The following SGSM3 variants were observed in gnomAD, a reference collection of about 807,000 sequenced individuals.
The protein encoded by SGSM3 is RUN and SH3 containing 3.
A neutral mutation model predicts 100.5 loss-of-function variants in SGSM3; 96 were observed. That is an observed-to-expected ratio of 0.96 (90% CI 0.81 to 1.13). The LOEUF (loss-of-function observed/expected upper bound fraction) is 1.13. Among genes scored for constraint, SGSM3 ranks in the 50% most tolerant of loss-of-function variants. SGSM3 has a pLI of 0.00. For missense variants in SGSM3, 1,001 were observed against 1,015.8 expected (o/e 0.99, Z 0.20); for synonymous variants, 483 against 422.8 (o/e 1.14, Z -1.75).
rs374531459 is a variant in SGSM3 at position 40,389,536 on chromosome 22, T to G, written c.-111-11160T>G. On this transcript the variant is annotated intron_variant, in intron 1 of 21. Transcript: ENST00000248929. ...ATGGCGTGAACCTGGGAGGCGGGGCTTGCAGTGAGCTGAGATCGGGCCACT... is the reference window on the plus strand; with the variant it reads ...ATGGCGTGAACCTGGGAGGCGGGGCGTGCAGTGAGCTGAGATCGGGCCACT... Among the ~76,000 whole-genome samples the G allele has an allele frequency of 1.3e-4, 18 of 141,830 alleles. No individual in the cohort carries two copies. In the East Asian group the frequency reaches 3.3e-3, roughly 26 times the overall value. 93.0% of individuals were successfully genotyped at this position (141,830 alleles called of 152,430 possible).
chr22:40,394,503 G>A (rs761498464), intron 1 of SGSM3, among the ~76,000 whole-genome samples: 5 of 152,146 alleles, frequency 3.3e-5, no homozygotes, highest in East Asian at 3.9e-4. Flanking sequence ...AAAATTAGCC[G>A]GGTGCGGTGG....
In SGSM3 at chr22:40,407,988, A is replaced by ACTGCCTCAGC; in HGVS notation, c.1580-76_1580-67dup. 6.6e-7 allele frequency: 1 copy of ACTGCCTCAGC among 1,507,968 alleles called. No homozygotes were observed. Among genetic ancestry groups the ACTGCCTCAGC allele is most frequent in the East Asian group, 2.3e-5 (1 of 44,080 alleles). 93.4% of individuals were successfully genotyped at this position (1,507,968 alleles called of 1,614,324 possible). A position where few individuals can be genotyped will look rare whatever the true frequency, so the allele number is the denominator to read the frequency against. ...CCTGAAGCAGCTGAGCCGGCTTCCCACTGCCTCAGCCTGCCTGCAGGCTGT... is the reference window on the plus strand; with the variant it reads ...CCTGAAGCAGCTGAGCCGGCTTCCCACTGCCTCAGCCTGCCTCAGCCTGCCTGCAGGCTGT... On this transcript the variant is annotated intron_variant, in intron 14 of 21. Transcript: ENST00000248929. The surrounding 1 kb of genome is among the most constrained non-coding windows in gnomAD (Gnocchi z 4.7).
chr22:40,394,785 C>T (rs574510749), intron 1 of SGSM3, among the ~76,000 whole-genome samples: 23 of 152,242 alleles, frequency 1.5e-4, no homozygotes, highest in African/African-American at 4.8e-4. Context: ...CAGACCTGAT[C>T]GTTATTCTCA....
At chr22:40,378,821 G>C (rs905997718) in intron 1 of SGSM3, among the ~76,000 whole-genome samples, 2 of 152,100 alleles carry the variant, frequency 1.3e-5, no homozygotes, top group African/African-American at 4.8e-5. Context: ...GTGATTCTCT[G>C]ATTGAAATCT....
chr22:40,381,729 A>G (rs1425143331), intron 1 of SGSM3, among the ~76,000 whole-genome samples: 1 of 152,124 alleles, frequency 6.6e-6, no homozygotes, highest in Non-Finnish European at 1.5e-5. Context: ...CCAAGGTGGG[A>G]GGATTCCTTG....
intron 1 of SGSM3, among the ~76,000 whole-genome samples, chr22:40,384,549 G>T (rs945001305): frequency 1.3e-5 from 2 of 152,334 alleles, no homozygotes; most frequent in East Asian, 3.9e-4. Flanking sequence ...GGAAGGCCAA[G>T]GTGGGCGGAT....
In SGSM3 at chr22:40,406,676, G is replaced by C; in HGVS notation, c.1185+14G>C. On this transcript the variant is annotated intron_variant, in intron 10 of 21. Transcript: ENST00000248929. ...AACCTCTCTCAGGTGGCCCAGGATG[G>C]GGGGCCGCACCTTGACCCACAGCAC... The C allele has an allele frequency of 6.3e-7, 1 of 1,597,022 alleles. No individual in the cohort carries two copies. The highest frequency in any genetic ancestry group is 1.1e-5 in the South Asian group (1 of 90,004).
intron 9 of SGSM3, 66 bp from the exon 10 acceptor site, chr22:40,406,372 G>A: frequency 6.7e-7 from 1 of 1,498,146 alleles, no homozygotes; most frequent in Non-Finnish European, 9.0e-7. Context: ...GGGGGTTGGG[G>A]TCAGCTCAGT....
chr22:40,401,959 TAGA>T (rs1308777080), intron 3 of SGSM3, among the ~76,000 whole-genome samples, 177 bp from the exon 4 acceptor site: 6 of 152,336 alleles, frequency 3.9e-5, no homozygotes, highest in East Asian at 1.9e-4. Flanking sequence ...GAGAAATTGC[TAGA>T]AGAAGGTTCA....
Position 40,410,027 on chromosome 22 carries a change from AG to A in SGSM3, c.*270del. 7.6e-7 allele frequency: 1 copy of A among 1,320,000 alleles called. No homozygotes were observed. 81.8% of individuals were successfully genotyped at this position (1,320,000 alleles called of 1,614,324 possible). ...AGGTGGGGGAGCCATGTCTGTGCTCAGGAAGAGGGAAGGGGATGGGGGTGGC... is the reference window on the plus strand; with the variant it reads ...AGGTGGGGGAGCCATGTCTGTGCTCAGAAGAGGGAAGGGGATGGGGGTGGC... On this transcript the variant is annotated 3_prime_UTR_variant, in exon 22 of 22. Transcript: ENST00000248929.
At position 40,376,911 on chromosome 22, in the gene SGSM3, T is replaced by G. The variant is rs767735171; in HGVS notation, c.-112+6223T>G. Reference sequence around the variant, plus strand: ...CAGTTAGCTTCGAGTTTACAAAGCATTTTGCACACATTTTCTTTGATTGTC... The same window carrying G: ...CAGTTAGCTTCGAGTTTACAAAGCAGTTTGCACACATTTTCTTTGATTGTC... On this transcript the variant is annotated intron_variant, in intron 1 of 21. Transcript: ENST00000248929. Among the ~76,000 whole-genome samples the G allele has an allele frequency of 2.2e-4, 33 of 152,198 alleles. 2 individuals carry two copies. Among genetic ancestry groups the G allele is most frequent in the Non-Finnish European group, 7.3e-5 (5 of 68,030 alleles).
intron 1 of SGSM3, among the ~76,000 whole-genome samples, chr22:40,374,203 C>T (rs1366244260): frequency 6.6e-6 from 1 of 151,610 alleles, no homozygotes; most frequent in East Asian, 1.9e-4. Flanking sequence ...CCGCCTGCCT[C>T]GGCCTCCCAA....
Position 40,401,654 on chromosome 22 carries a change from G to T in SGSM3, c.69G>T (p.Glu23Asp). ...SALTPSIWPQ[E>D]ILAKYTQKEE... ...TGACTCCGAGCATATGGCCCCAGGA[G>T]ATCTTGGCCAAGTACACGCAGGTAT... The change falls in exon 3 of 22, where the codon GAG becomes GAT. Residue 23 changes from glutamate to aspartate, a missense_variant. Glu to Asp is a conservative substitution (Grantham distance 45). Transcript: ENST00000248929. The T allele has an allele frequency of 6.2e-7, 1 of 1,613,266 alleles. No homozygotes were observed. The highest frequency in any genetic ancestry group is 8.5e-7 in the Non-Finnish European group (1 of 1,179,446).
At position 40,405,231 on chromosome 22, in the gene SGSM3, C is replaced by G. The variant is rs767686797; in HGVS notation, c.565C>G (p.Arg189Gly). The change falls in exon 7 of 22, where the codon CGG becomes GGG. Residue 189 changes from arginine to glycine, a missense_variant. Coordinates refer to ENST00000248929, the MANE Select transcript of SGSM3 (RefSeq NM_015705.6). ...GGTGCCCCGCCTGCGCAGGGTGCTCCGGGCCCTGGCCTGGCTCTACCCAGA... is the reference window on the plus strand; with the variant it reads ...GGTGCCCCGCCTGCGCAGGGTGCTCGGGGCCCTGGCCTGGCTCTACCCAGA... ...IGVPRLRRVL[R>G]ALAWLYPEIG... 1 of 1,574,808 alleles carries G rather than the reference C, an allele frequency of 6.3e-7. No homozygotes were observed. The highest frequency in any genetic ancestry group is 1.2e-5 in the South Asian group (1 of 86,864).
chr22:40,409,809 A>AC lies in SGSM3; in HGVS notation c.*54dup. 2 of 1,581,916 alleles carry AC rather than the reference A, an allele frequency of 1.3e-6. No individual in the cohort carries two copies. Among genetic ancestry groups the AC allele is most frequent in the Non-Finnish European group, 8.5e-7 (1 of 1,170,022 alleles). On this transcript the variant is annotated 3_prime_UTR_variant, in exon 22 of 22. Coordinates refer to ENST00000248929, the MANE Select transcript of SGSM3 (RefSeq NM_015705.6). ...GGGCCTGCGTCTGAGGTGGCCCAGGACCCCAAGCTGCAGAGCCCAGGGAAG... is the reference window on the plus strand; with the variant it reads ...GGGCCTGCGTCTGAGGTGGCCCAGGACCCCCAAGCTGCAGAGCCCAGGGAAG...
At chr22:40,377,668 T>G (rs1016908682) in intron 1 of SGSM3, among the ~76,000 whole-genome samples, 2 of 151,706 alleles carry the variant, frequency 1.3e-5, no homozygotes, top group African/African-American at 4.8e-5. Context: ...GGAACCTGTC[T>G]CTACAAAAAA....
chr22:40,408,726 G>T, intron 17 of SGSM3, 29 bp downstream of exon 17: 2 of 1,613,826 alleles, frequency 1.2e-6, no homozygotes, highest in Non-Finnish European at 1.7e-6. Flanking sequence ...TTCTGGTGGG[G>T]TCACCAGCAG....
Position 40,372,289 on chromosome 22 carries a change from G to A in SGSM3, c.-112+1601G>A, listed in dbSNP as rs947099319. On this transcript the variant is annotated intron_variant, in intron 1 of 21. Transcript: ENST00000248929. ...CTATAGGTGCCCGCCACCACACCCG[G>A]ATAATTTTTTGTATTTTTAGTAGAG... is the stretch of plus-strand genomic sequence containing the variant. Among the ~76,000 whole-genome samples the A allele has an allele frequency of 2.6e-5, 4 of 151,850 alleles. No individual in the cohort carries two copies. In the East Asian group the frequency reaches 5.8e-4, roughly 22 times the overall value.
Position 40,403,119 on chromosome 22 carries a change from A to G in SGSM3, c.157+914A>G, listed in dbSNP as rs183323941. ...CTGGGTCAGTGGAGTCAGAGTGTTC[A>G]CTGTTACACCTTGGAACTGAGACTG... On this transcript the variant is annotated intron_variant, in intron 4 of 21. Coordinates refer to ENST00000248929, the MANE Select transcript of SGSM3 (RefSeq NM_015705.6). Among the ~76,000 whole-genome samples the G allele has an allele frequency of 2.4e-4, 36 of 152,362 alleles. No individual in the cohort carries two copies. In the East Asian group the frequency reaches 5.4e-3, roughly 23 times the overall value.
Sources: gnomAD v4.1 joint callset for allele counts (sites outside exome capture counted in the v4.1 genomes callset) on GRCh38, gnomAD v4.1.1 for gene constraint, Gnocchi (gnomAD v3.1) non-coding constraint, MANE v1.5 for transcripts, NCBI Gene and HGNC (gene_info 2026-07-23, HGNC 2026-07-21) for gene names.